Variants in ATXN3 observed in about 807,000 individuals in gnomAD.
ATXN3 encodes the protein ataxin-3.
ATXN3 carries 28 observed loss-of-function variants against 58.2 expected under a neutral mutation model. The observed-to-expected ratio is 0.48, with a 90% CI of 0.36 to 0.66. The LOEUF (loss-of-function observed/expected upper bound fraction) is 0.66, where lower values mean the gene tolerates loss of function less well. ATXN3 is among the 30% of genes least tolerant of loss of function. The pLI, the probability that ATXN3 is intolerant of heterozygous loss-of-function variation, is 0.00. For missense variants in ATXN3, 321 were observed against 422.1 expected (o/e 0.76, Z 2.10); for synonymous variants, 113 against 138.5 (o/e 0.82, Z 1.29).
intron 10 of ATXN3, among the ~76,000 whole-genome samples, chr14:92,068,094 T>C (rs2058764978): frequency 6.6e-6 from 1 of 152,176 alleles, no homozygotes; most frequent in African/African-American, 2.4e-5. Context: ...ATCACCCATA[T>C]AGGAGCCAGA....
intron 5 of ATXN3, among the ~76,000 whole-genome samples, chr14:92,092,209 A>T (rs2063996881): frequency 6.6e-6 from 1 of 152,156 alleles, no homozygotes; most frequent in African/African-American, 2.4e-5. Flanking sequence ...TTAATAAATG[A>T]TACCATACAG....
chr14:92,095,995 G>C, intron 3 of ATXN3, 98 bp downstream of exon 3: 1 of 992,470 alleles, frequency 1.0e-6, no homozygotes, highest in South Asian at 1.3e-5. Flanking sequence ...GTAGACAGAA[G>C]AACTTCCGAA....
At chr14:92,094,664 C>T (rs992152945) in intron 3 of ATXN3, among the ~76,000 whole-genome samples, 6 of 152,174 alleles carry the variant, frequency 3.9e-5, no homozygotes, top group African/African-American at 1.4e-4. Flanking sequence ...AGGGAAATTT[C>T]TGAAAATTCA....
In ATXN3 at chr14:92,070,799, G is replaced by C. The variant is rs1469974426; in HGVS notation, c.991+136C>G. 3 of 1,475,736 alleles carry C rather than the reference G, an allele frequency of 2.0e-6. No individual in the cohort carries two copies. In the South Asian group the frequency reaches 3.7e-5, roughly 18 times the overall value. The allele number at this position is 1,475,736 out of a possible 1,614,324, so 91.4% of individuals were successfully genotyped here. ...CTCCTTAATCCAGGGAAATTTAGTA[G>C]ATTACAAATTTACTTAAGATTCTTA... On this transcript the variant is annotated intron_variant, in intron 10 of 10. Coordinates refer to ENST00000644486, the MANE Select transcript of ATXN3 (RefSeq NM_004993.6).
chr14:92,102,567 C>G (rs1223411480), intron 1 of ATXN3, among the ~76,000 whole-genome samples: 2 of 152,210 alleles, frequency 1.3e-5, no homozygotes, highest in African/African-American at 2.4e-5. Flanking sequence ...TGGGGACAAG[C>G]TGTCAATCTA....
intron 6 of ATXN3, among the ~76,000 whole-genome samples, 162 bp downstream of exon 6, chr14:92,088,568 A>C (rs1001710054): frequency 3.9e-5 from 6 of 152,226 alleles, no homozygotes; most frequent in Non-Finnish European, 7.3e-5. Context: ...GAGAACTCTA[A>C]CTGAACAGCG....
Position 92,071,486 on chromosome 14 carries a change from C to T in ATXN3, c.873-433G>A, listed in dbSNP as rs560585597. 23 of 342,714 alleles carry T rather than the reference C, an allele frequency of 6.7e-5. No individual in the cohort carries two copies. The Admixed American group carries it at 9.3e-4, about 14-fold the overall frequency. 21.2% of individuals were successfully genotyped at this position (342,714 alleles called of 1,614,324 possible). A position where few individuals can be genotyped will look rare whatever the true frequency, so the allele number is the denominator to read the frequency against. ...TGGCAGGCACCTGTAATCCCAGCTA[C>T]TTTGGGAGGCTGAGGCAGGAGAATC... On this transcript the variant is annotated intron_variant, in intron 9 of 10. Transcript: ENST00000644486.
At chr14:92,085,569 A>C (rs2062270455) in intron 6 of ATXN3, among the ~76,000 whole-genome samples, 1 of 152,156 alleles carries the variant, frequency 6.6e-6, no homozygotes, top group African/African-American at 2.4e-5. Flanking sequence ...CAGGCCTTAC[A>C]CTGGTTAAGA....
At chr14:92,096,887 T>A (rs991569373) in intron 1 of ATXN3, 49 bp from the exon 2 acceptor site, 1 of 1,522,628 alleles carries the variant, frequency 6.6e-7, no homozygotes, top group Non-Finnish European at 9.1e-7. Flanking sequence ...TAAACAGAAT[T>A]GTATAGTATC....
intron 1 of ATXN3, among the ~76,000 whole-genome samples, chr14:92,100,883 A>G (rs1313473468): frequency 1.3e-5 from 2 of 152,192 alleles, no homozygotes; most frequent in South Asian, 4.1e-4. Context: ...CTAATTTTTA[A>G]AAAATTCAAA....
intron 8 of ATXN3, among the ~76,000 whole-genome samples, chr14:92,081,465 C>CAAAAAAAAAAAAAAAAAAAAAAAA (rs58398762): frequency 1.2e-5 from 1 of 82,964 alleles, no homozygotes. Flanking sequence ...GACTCTGACT[C>CAAAAAAAAAAAAAAAAAAAAAAAA]AAAAAAAAAA....
chr14:92,089,331 T>TA (rs2063270154), intron 5 of ATXN3, among the ~76,000 whole-genome samples: 1 of 68,570 alleles, frequency 1.5e-5, no homozygotes, highest in Non-Finnish European at 2.8e-5. Context: ...TGCTAAATAC[T>TA]CTTTTTTTTT....
chr14:92,062,242 G>C lies in ATXN3; in HGVS notation c.*2078C>G, dbSNP rs1474875878. The C allele has an allele frequency of 6.6e-6, 1 of 151,832 alleles. No homozygotes were observed. Among genetic ancestry groups the C allele is most frequent in the Non-Finnish European group, 1.5e-5 (1 of 68,002 alleles). The allele number at this position is 151,832 out of a possible 1,614,324, so 9.4% of individuals were successfully genotyped here. A position where few individuals can be genotyped will look rare whatever the true frequency, so the allele number is the denominator to read the frequency against. ...ACTGCCCTCCAGCCTGGGAGACATAGCAAGACTCCGTCTCAAAAAAAAACA... is the reference window on the plus strand; with the variant it reads ...ACTGCCCTCCAGCCTGGGAGACATACCAAGACTCCGTCTCAAAAAAAAACA... On this transcript the variant is annotated 3_prime_UTR_variant, in exon 11 of 11. Transcript: ENST00000644486.
chr14:92,071,164 T>A, intron 9 of ATXN3, 111 bp from the exon 10 acceptor site: 6 of 1,448,594 alleles, frequency 4.1e-6, no homozygotes, highest in Non-Finnish European at 5.6e-6. Context: ...ATCAAAGTAG[T>A]CACTGGTATT....
At chr14:92,106,430 G>A (rs1183926922) in intron 1 of ATXN3, 99 bp downstream of exon 1, 9 of 1,501,682 alleles carry the variant, frequency 6.0e-6, no homozygotes, top group Non-Finnish European at 8.3e-6. Flanking sequence ...CGGCATGGGG[G>A]CGACTCGGGC....
At chr14:92,091,347 A>C (rs765925436) in intron 5 of ATXN3, among the ~76,000 whole-genome samples, 3 of 152,058 alleles carry the variant, frequency 2.0e-5, no homozygotes, top group Non-Finnish European at 4.4e-5. Flanking sequence ...GCTATTTGGG[A>C]GGCTGAGACA....
chr14:92,070,528 G>A (rs542821056), intron 10 of ATXN3, among the ~76,000 whole-genome samples: 2 of 152,262 alleles, frequency 1.3e-5, no homozygotes, highest in Admixed American at 6.5e-5. Flanking sequence ...GCAGTGAGCC[G>A]AGATCGCGAC....
chr14:92,088,368 C>A (rs979989399), intron 6 of ATXN3, among the ~76,000 whole-genome samples: 7 of 152,152 alleles, frequency 4.6e-5, no homozygotes, highest in Admixed American at 4.6e-4. Flanking sequence ...CCGTGCCCAG[C>A]CGTTAGGGGC....
At chr14:92,088,466 G>A (rs555535234) in intron 6 of ATXN3, among the ~76,000 whole-genome samples, 2 of 152,268 alleles carry the variant, frequency 1.3e-5, no homozygotes, top group African/African-American at 4.8e-5. Flanking sequence ...CCTCTCAGCC[G>A]TGTGATATGT....
Sources: allele counts gnomAD v4.1 joint callset (sites outside exome capture counted in the v4.1 genomes callset), GRCh38; gene constraint gnomAD v4.1.1; transcripts MANE v1.5; gene names NCBI Gene and HGNC (gene_info 2026-07-23, HGNC 2026-07-21).